The following ZNF184 variants were observed in gnomAD, a reference collection of about 807,000 sequenced individuals.
ZNF184 encodes the protein zinc finger protein 184 (Kruppel-like).
ZNF184 carries 16 observed loss-of-function variants against 54.4 expected under a neutral mutation model. The ratio of observed to expected loss-of-function variants is 0.29; its 90% CI spans 0.20 to 0.45. The LOEUF (loss-of-function observed/expected upper bound fraction) is 0.45, where lower values mean the gene tolerates loss of function less well. Ranked by LOEUF, ZNF184 falls within the 20% of genes least tolerant of loss-of-function variation. The probability of loss-of-function intolerance (pLI) is 1.00; values close to 1 mark genes in which losing one functional copy is unlikely to be tolerated. For synonymous variants in ZNF184, 254 were observed against 295.3 expected, an observed-to-expected ratio of 0.86 and a Z score of 1.43; for missense variants, 681 against 888.2, an observed-to-expected ratio of 0.77 and a Z score of 2.97.
chr6:27,457,979 A>G (rs1452598295), intron 3 of ZNF184, among the ~76,000 whole-genome samples: 2 of 152,174 alleles, frequency 1.3e-5, no homozygotes, highest in Admixed American at 1.3e-4. Flanking sequence ...ATTAAAAGTA[A>G]GTTAAAAGTG....
At chr6:27,454,352 G>C (rs1441583438) in intron 5 of ZNF184, among the ~76,000 whole-genome samples, 1 of 152,138 alleles carries the variant, frequency 6.6e-6, no homozygotes, top group African/African-American at 2.4e-5. Context: ...TGGCACTACA[G>C]GTAACAGCAC....
the ZNF184 span, among the ~76,000 whole-genome samples, chr6:27,431,533 A>AT: frequency 2.2e-3 from 339 of 152,278 alleles, 7 homozygotes; most frequent in Non-Finnish European, 9.9e-4. Context: ...TAATGGATTG[A>AT]TTTTTTTCTC....
At chr6:27,414,280 C>T in the ZNF184 span, among the ~76,000 whole-genome samples, 1 of 152,170 alleles carries the variant, frequency 6.6e-6, no homozygotes. Flanking sequence ...ACCCCCATCG[C>T]TCATACAGCC....
intron 3 of ZNF184, 53 bp from the exon 4 acceptor site, chr6:27,457,462 G>A: frequency 6.3e-7 from 1 of 1,593,762 alleles, no homozygotes; most frequent in Non-Finnish European, 8.6e-7. Flanking sequence ...TTAGGAAAGG[G>A]GTAAAGTTAG....
chr6:27,466,871 T>C (rs893169189), intron 3 of ZNF184, among the ~76,000 whole-genome samples: 2 of 152,158 alleles, frequency 1.3e-5, no homozygotes, highest in Non-Finnish European at 2.9e-5. Flanking sequence ...TCCAGGTCAC[T>C]TTTCTTCCAT....
Position 27,451,514 on chromosome 6 carries a change from C to A in ZNF184, c.2045G>T (p.Ser682Ile). ...CNECDKAFSR[S>I]THLTEHQNTH... is the part of the protein sequence containing the mutation. ...ATTCTGATGTTCAGTCAGATGAGTG[C>A]TCCGGCTAAAGGCTTTGTCACATTC... Residue 682 changes from serine to isoleucine, a missense_variant, in exon 6 of 6, where the codon AGC becomes ATC. Physicochemically the swap from Ser to Ile is moderately radical, Grantham distance 142 (BLOSUM62 -2). Transcript: ENST00000683788. 6.2e-7 allele frequency: 1 copy of A among 1,614,116 alleles called. No homozygotes were observed. The highest frequency in any genetic ancestry group is 8.5e-7 in the Non-Finnish European group (1 of 1,180,002).
the ZNF184 span, among the ~76,000 whole-genome samples, chr6:27,442,759 G>C: frequency 2.8e-4 from 40 of 141,546 alleles, 2 homozygotes; most frequent in South Asian, 9.5e-3. Context: ...GGGAGGGAAG[G>C]AAGGAAGGAA....
chr6:27,440,786 G>A, the ZNF184 span, among the ~76,000 whole-genome samples: 1 of 152,038 alleles, frequency 6.6e-6, no homozygotes, highest in Non-Finnish European at 1.5e-5. Flanking sequence ...GGCGGATCAC[G>A]AGGTCAGGAG....
At position 27,462,695 on chromosome 6, in the gene ZNF184, T is replaced by C. The variant is rs1247566777; in HGVS notation, c.75+5158A>G. 1.7e-4 allele frequency among the ~76,000 whole-genome samples: 26 copies of C among 150,904 alleles called. No homozygotes were observed. In the East Asian group the frequency reaches 5.3e-3, roughly 31 times the overall value. On this transcript the variant is annotated intron_variant, in intron 3 of 5. Coordinates refer to ENST00000683788, the MANE Select transcript of ZNF184 (RefSeq NM_001318891.2). ...CTGACCAACATGGCAAAACGCTGTC[T>C]CTACTAAAAGTGCAAAAAAATTAGC...
downstream of ZNF184, among the ~76,000 whole-genome samples, chr6:27,446,902 T>C (rs375157295): frequency 4.0e-4 from 61 of 152,120 alleles, 1 homozygote; most frequent in African/African-American, 1.4e-3. Context: ...CCCAGCATTT[T>C]GGGAGGCTGA....
chr6:27,423,917 A>C, the ZNF184 span, among the ~76,000 whole-genome samples: 1 of 152,190 alleles, frequency 6.6e-6, no homozygotes, highest in African/African-American at 2.4e-5. Context: ...TGGAATCTCT[A>C]GCAAATGCTT....
downstream of ZNF184, among the ~76,000 whole-genome samples, chr6:27,446,456 A>G (rs946619088): frequency 2.6e-5 from 4 of 152,238 alleles, no homozygotes; most frequent in African/African-American, 9.6e-5. Flanking sequence ...AGGCATGCAC[A>G]ATGCAATAGC....
At chr6:27,431,839 G>A in the ZNF184 span, among the ~76,000 whole-genome samples, 3 of 152,150 alleles carry the variant, frequency 2.0e-5, no homozygotes, top group African/African-American at 4.8e-5. Context: ...ACAAAGGCAC[G>A]ATGGATGCCC....
intron 5 of ZNF184, among the ~76,000 whole-genome samples, chr6:27,455,246 C>A (rs978161455): frequency 6.6e-6 from 1 of 152,008 alleles, no homozygotes; most frequent in Non-Finnish European, 1.5e-5. Flanking sequence ...TAAAAAGTAA[C>A]CAAAAGAATG....
At chr6:27,442,049 A>T in the ZNF184 span, among the ~76,000 whole-genome samples, 1 of 152,226 alleles carries the variant, frequency 6.6e-6, no homozygotes, top group Non-Finnish European at 1.5e-5. Flanking sequence ...CCTGATAGAG[A>T]TCACACCAAC....
the ZNF184 span, chr6:27,408,045 T>A: frequency 2.2e-6 from 2 of 890,220 alleles, no homozygotes; most frequent in Non-Finnish European, 1.9e-6. Context: ...CCTGGGATAA[T>A]GTGATTGAAT....
rs1217790322 is a variant in ZNF184, at chr6:27,452,899, T to G, written c.660A>C (p.Lys220Asn). The G allele has an allele frequency of 1.9e-6, 3 of 1,614,048 alleles. No homozygotes were observed. Among genetic ancestry groups the G allele is most frequent in the Non-Finnish European group, 2.5e-6 (3 of 1,180,020 alleles). ...KQNSNPVKKE[K>N]SCKCNECGKA... ...TCCCACATTCATTGCACTTACAAGATTTCTCTTTTTTAACTGGGTTTGAAT... is the reference window on the plus strand; with the variant it reads ...TCCCACATTCATTGCACTTACAAGAGTTCTCTTTTTTAACTGGGTTTGAAT... The change falls in exon 6 of 6, where the codon AAA becomes AAC. Residue 220 changes from lysine (K) to asparagine (N), a missense_variant. Physicochemically the swap from Lys to Asn is moderately conservative, Grantham distance 94. Transcript: ENST00000683788. This position sits in a 1 kb window ranked among gnomAD's most constrained non-coding sequence, Gnocchi z 5.5.
Position 27,454,474 on chromosome 6 carries a change from T to C in ZNF184, c.299-1214A>G, listed in dbSNP as rs529071430. ...GATTGTTCAAGAAATAAATATGTTTTCATCAACAGAAATGACACCAAGGAA... is the reference window on the plus strand; with the variant it reads ...GATTGTTCAAGAAATAAATATGTTTCCATCAACAGAAATGACACCAAGGAA... On this transcript the variant is annotated intron_variant, in intron 5 of 5. Transcript: ENST00000683788. 2.0e-3 allele frequency among the ~76,000 whole-genome samples: 301 copies of C among 152,332 alleles called. 1 individual carries two copies. Among genetic ancestry groups the C allele is most frequent in the African/African-American group, 6.9e-3 (287 of 41,578 alleles).
chr6:27,408,843 G>A, the ZNF184 span, among the ~76,000 whole-genome samples: 2 of 152,078 alleles, frequency 1.3e-5, no homozygotes, highest in Non-Finnish European at 2.9e-5. Flanking sequence ...GGAATGTCAG[G>A]ACTTTATCAG....
Sources: gnomAD v4.1 joint callset for allele counts (sites outside exome capture counted in the v4.1 genomes callset) on GRCh38, gnomAD v4.1.1 for gene constraint, Gnocchi (gnomAD v3.1) non-coding constraint, MANE v1.5 for transcripts, NCBI Gene and HGNC (gene_info 2026-07-23, HGNC 2026-07-21) for gene names.